Variants in SSBP2 observed in about 807,000 individuals in gnomAD.
The protein encoded by SSBP2 is single stranded DNA binding protein 2, also known as single-stranded DNA-binding protein 2.
A neutral mutation model predicts 61.8 loss-of-function variants in SSBP2; 17 were observed. The observed-to-expected ratio is 0.28, with a 90% CI of 0.19 to 0.41. The LOEUF is 0.41. Ranked by LOEUF, SSBP2 falls within the 10% of genes least tolerant of loss-of-function variation. The pLI is 1.00. For synonymous variants in SSBP2, 139 were observed against 141.3 expected (o/e 0.98, Z 0.12); for missense variants, 310 against 458.7 (o/e 0.68, Z 2.96).
intron 1 of SSBP2, among the ~76,000 whole-genome samples, chr5:81,681,076 T>C (rs901797284): frequency 2.0e-5 from 3 of 152,128 alleles, no homozygotes; most frequent in Non-Finnish European, 4.4e-5. Flanking sequence ...GTATCTGCTC[T>C]CAGACACAAA....
chr5:81,685,850 C>A (rs773906894), intron 1 of SSBP2, among the ~76,000 whole-genome samples: 4 of 152,288 alleles, frequency 2.6e-5, no homozygotes, highest in East Asian at 1.9e-4. Context: ...ACCTAGAAAA[C>A]CTTCCATTTA....
intron 4 of SSBP2, among the ~76,000 whole-genome samples, chr5:81,530,893 C>T (rs1770339458): frequency 1.3e-5 from 2 of 151,968 alleles, no homozygotes; most frequent in Non-Finnish European, 2.9e-5. Context: ...ATTTTGAGGA[C>T]ATAAAGCAAA....
intron 2 of SSBP2, 24 bp downstream of exon 2, chr5:81,650,243 A>C: frequency 1.3e-6 from 2 of 1,483,184 alleles, no homozygotes; most frequent in Non-Finnish European, 1.8e-6. Flanking sequence ...TCAAAATGCA[A>C]TACAGAAAAT....
chr5:81,542,921 C>G (rs1340961483), intron 4 of SSBP2, among the ~76,000 whole-genome samples: 1 of 151,688 alleles, frequency 6.6e-6, no homozygotes, highest in Non-Finnish European at 1.5e-5. Context: ...CTGGCACAAT[C>G]TCGACTCACT....
chr5:81,578,341 C>T (rs377190916), intron 4 of SSBP2, among the ~76,000 whole-genome samples: 81 of 151,972 alleles, frequency 5.3e-4, no homozygotes, highest in African/African-American at 1.9e-3. Context: ...CTTGCCATTC[C>T]AAAATCCCAG....
rs781695194 is a variant in SSBP2, at chr5:81,751,010, G to C, written c.33C>G (p.Ala11=). The C allele has an allele frequency of 1.0e-5, 16 of 1,599,482 alleles. No homozygotes were observed. The Middle Eastern group carries it at 1.8e-3, about 182-fold the overall frequency. Residue 11 remains alanine (A), a synonymous_variant, in exon 1 of 17, where the codon GCC becomes GCG. Coordinates refer to ENST00000320672, the MANE Select transcript of SSBP2 (RefSeq NM_012446.5). ...CCCGGGCCTGGCTGTCGGACGGGAC[G>C]GCGCTGCTGTTACTCTTGCCTTTGC...
chr5:81,483,516 G>A (rs76583439), intron 6 of SSBP2, among the ~76,000 whole-genome samples: 2,340 of 152,080 alleles, frequency 0.015, 64 homozygotes, highest in African/African-American at 0.053. Context: ...AACTAGAAGA[G>A]CCTTTAGAAA....
At chr5:81,560,019 C>A (rs978502300) in intron 4 of SSBP2, among the ~76,000 whole-genome samples, 1 of 152,128 alleles carries the variant, frequency 6.6e-6, no homozygotes, top group Non-Finnish European at 1.5e-5. Context: ...CAATATAATT[C>A]TCACAATCAA....
In SSBP2 at chr5:81,594,498, G is replaced by A. The variant is rs187877743; in HGVS notation, c.282+20975C>T. Among the ~76,000 whole-genome samples, 294 of 152,222 alleles carry A rather than the reference G, an allele frequency of 1.9e-3. 1 individual carries two copies. The highest frequency in any genetic ancestry group is 6.7e-3 in the African/African-American group (277 of 41,520). Reference sequence around the variant, plus strand: ...ACCTCTGCACCAAGCGGACCTAACAGACATTTACAGAACTCTCCACCCCAA... The same window carrying A: ...ACCTCTGCACCAAGCGGACCTAACAAACATTTACAGAACTCTCCACCCCAA... On this transcript the variant is annotated intron_variant, in intron 4 of 16. Coordinates refer to ENST00000320672, the MANE Select transcript of SSBP2 (RefSeq NM_012446.5).
chr5:81,636,716 T>C, intron 2 of SSBP2, 98 bp from the exon 3 acceptor site: 1 of 956,212 alleles, frequency 1.0e-6, no homozygotes, highest in Non-Finnish European at 1.5e-6. Flanking sequence ...ATAGTAATAT[T>C]TGAATTTTTC....
chr5:81,536,387 G>T (rs1429589005), intron 4 of SSBP2, among the ~76,000 whole-genome samples: 4 of 151,924 alleles, frequency 2.6e-5, no homozygotes, highest in African/African-American at 7.3e-5. Flanking sequence ...TGTGTCATGG[G>T]GGTTCGTTGT....
chr5:81,496,578 ACTT>A (rs1292195907), intron 5 of SSBP2, among the ~76,000 whole-genome samples: 1 of 152,138 alleles, frequency 6.6e-6, no homozygotes, highest in East Asian at 1.9e-4. Context: ...CTTAACAAAG[ACTT>A]CTTACTTCAC....
chr5:81,665,422 G>A lies in SSBP2; in HGVS notation c.63-15083C>T, dbSNP rs531703837. On this transcript the variant is annotated intron_variant, in intron 1 of 16. Coordinates refer to ENST00000320672, the MANE Select transcript of SSBP2 (RefSeq NM_012446.5). ...TTCCTATCCTACACCCTTAAATCCC[G>A]GTATCAGTCACTAGAGAAGCCTCAG... Among the ~76,000 whole-genome samples, 258 of 152,206 alleles carry A rather than the reference G, an allele frequency of 1.7e-3. 1 individual carries two copies. Among genetic ancestry groups the A allele is most frequent in the African/African-American group, 6.0e-3 (248 of 41,520 alleles).
In SSBP2 at chr5:81,431,998, G is replaced by C. The variant is rs1211279016; in HGVS notation, c.958-3315C>G. ...ATTTTTCCATTTTCAAATTAAAAAA[G>C]TGAACATTTATAGAAACTGTGGCTC... On this transcript the variant is annotated intron_variant, in intron 15 of 16. Coordinates refer to ENST00000320672, the MANE Select transcript of SSBP2 (RefSeq NM_012446.5). Among the ~76,000 whole-genome samples the C allele has an allele frequency of 5.3e-5, 8 of 152,166 alleles. No homozygotes were observed. The East Asian group carries it at 9.6e-4, about 18-fold the overall frequency.
At chr5:81,690,042 TATAAG>T (rs1753090198) in intron 1 of SSBP2, among the ~76,000 whole-genome samples, 1 of 152,074 alleles carries the variant, frequency 6.6e-6, no homozygotes, top group Non-Finnish European at 1.5e-5. Flanking sequence ...AATAATGGGT[TATAAG>T]ATATTATTTG....
At chr5:81,634,595 T>A (rs1199123454) in intron 3 of SSBP2, among the ~76,000 whole-genome samples, 1 of 152,236 alleles carries the variant, frequency 6.6e-6, no homozygotes, top group Non-Finnish European at 1.5e-5. Flanking sequence ...TAAACAGTAT[T>A]ACTCTCCTGC....
chr5:81,435,096 T>C (rs900134061), intron 15 of SSBP2, among the ~76,000 whole-genome samples: 1 of 152,164 alleles, frequency 6.6e-6, no homozygotes, highest in African/African-American at 2.4e-5. Context: ...AGGAACTCAT[T>C]TGAAGGCAGA....
At chr5:81,667,038 G>A (rs1751192812) in intron 1 of SSBP2, among the ~76,000 whole-genome samples, 1 of 152,114 alleles carries the variant, frequency 6.6e-6, no homozygotes, top group South Asian at 2.1e-4. Flanking sequence ...ACTGGATATA[G>A]GAAACAACTG....
rs1350037666 is a variant in SSBP2, at chr5:81,583,611, C to A, written c.282+31862G>T. Among the ~76,000 whole-genome samples the A allele has an allele frequency of 2.2e-5, 3 of 134,986 alleles. No homozygotes were observed. The Admixed American group carries it at 2.6e-4, about 12-fold the overall frequency. The allele number at this position is 134,986 out of a possible 152,430, so 88.6% of individuals were successfully genotyped here. The stretch of plus-strand genomic sequence containing the variant: ...CGCCACTGCACTCCAGCCTGGGCGA[C>A]AGAGCGAGACACCGTCTCAAAAAAA... On this transcript the variant is annotated intron_variant, in intron 4 of 16. Transcript: ENST00000320672.
Sources: allele counts gnomAD v4.1 joint callset (sites outside exome capture counted in the v4.1 genomes callset), GRCh38; gene constraint gnomAD v4.1.1; transcripts MANE v1.5; gene names NCBI Gene and HGNC (gene_info 2026-07-23, HGNC 2026-07-21).